The following LUZP2 variants were observed in gnomAD, a reference collection of about 807,000 sequenced individuals.
The protein encoded by LUZP2 is leucine zipper protein 2.
LUZP2 carries 52 observed loss-of-function variants against 51.6 expected under a neutral mutation model. The observed-to-expected ratio is 1.01, with a 90% confidence interval of 0.81 to 1.27. The LOEUF (loss-of-function observed/expected upper bound fraction) is 1.27, where lower values mean the gene tolerates loss of function less well. Ranked by LOEUF, LUZP2 falls within the 50% of genes most tolerant of loss-of-function variation. The probability of loss-of-function intolerance (pLI) is 0.00; values close to 1 mark genes in which losing one functional copy is unlikely to be tolerated. For synonymous variants in LUZP2, 154 were observed against 137.3 expected (o/e 1.12, Z -0.85); for missense variants, 436 against 395.4 (o/e 1.10, Z -0.87).
At chr11:24,969,303 C>T in intron 7 of LUZP2, among the ~76,000 whole-genome samples, 1 of 151,984 alleles carries the variant, frequency 6.6e-6, no homozygotes, top group East Asian at 1.9e-4. Flanking sequence ...AGGATAATAG[C>T]CTAATCCTTC....
At chr11:25,034,791 T>A (rs1014500670) in intron 9 of LUZP2, among the ~76,000 whole-genome samples, 1 of 152,106 alleles carries the variant, frequency 6.6e-6, no homozygotes, top group Non-Finnish European at 1.5e-5. Context: ...TGTCTGTTTT[T>A]GTGCTAGTAC....
intron 1 of LUZP2, among the ~76,000 whole-genome samples, chr11:24,620,282 A>T (rs1854449687): frequency 6.6e-6 from 1 of 152,210 alleles, no homozygotes; most frequent in African/African-American, 2.4e-5. Context: ...AAGAATTTTT[A>T]ACTCAACAAA....
At chr11:24,615,586 A>G (rs1019600051) in intron 1 of LUZP2, among the ~76,000 whole-genome samples, 5 of 151,988 alleles carry the variant, frequency 3.3e-5, no homozygotes, top group African/African-American at 7.2e-5. Flanking sequence ...TGGAGTTATT[A>G]CCAATACAAA....
intron 9 of LUZP2, among the ~76,000 whole-genome samples, chr11:25,024,728 A>G (rs1857434107): frequency 6.6e-6 from 1 of 151,702 alleles, no homozygotes; most frequent in Non-Finnish European, 1.5e-5. Flanking sequence ...GCCCAAGGTA[A>G]TTTATAGATT....
At chr11:24,614,314 C>A (rs184331015) in intron 1 of LUZP2, among the ~76,000 whole-genome samples, 1 of 152,048 alleles carries the variant, frequency 6.6e-6, no homozygotes, top group Admixed American at 6.5e-5. Flanking sequence ...GCTCTCTCTC[C>A]TACTATGATT....
rs1490479327 is a variant in LUZP2 at position 25,017,729 on chromosome 11, A to T, written c.766-32309A>T. ...GCTTATTGTTGTTGTTGTTGTTGTT[A>T]TGTGTTTTGCTTAGTATTGCTTTGG... On this transcript the variant is annotated intron_variant, in intron 9 of 11. Coordinates refer to ENST00000336930, the MANE Select transcript of LUZP2 (RefSeq NM_001009909.4). Among the ~76,000 whole-genome samples, 3 of 151,636 alleles carry T rather than the reference A, an allele frequency of 2.0e-5. No homozygotes were observed. In the East Asian group the frequency reaches 5.8e-4, roughly 29 times the overall value.
At chr11:24,889,075 T>A (rs1048305449) in intron 5 of LUZP2, among the ~76,000 whole-genome samples, 34 of 152,274 alleles carry the variant, frequency 2.2e-4, no homozygotes, top group African/African-American at 8.2e-4. Flanking sequence ...ATTCCCTAAA[T>A]AGGTGGTATG....
intron 1 of LUZP2, among the ~76,000 whole-genome samples, chr11:24,599,824 A>G (rs938775994): frequency 2.0e-5 from 3 of 152,142 alleles, no homozygotes; most frequent in African/African-American, 7.2e-5. Flanking sequence ...TACGTAAAAA[A>G]AACAAGATTT....
intron 4 of LUZP2, among the ~76,000 whole-genome samples, chr11:24,743,147 C>T (rs1448506996): frequency 2.6e-5 from 4 of 152,060 alleles, no homozygotes; most frequent in African/African-American, 2.4e-5. Flanking sequence ...GTTCTTTTTG[C>T]TCAGTCTTGC....
chr11:25,009,958 A>G (rs924656396), intron 9 of LUZP2, among the ~76,000 whole-genome samples: 3 of 152,150 alleles, frequency 2.0e-5, no homozygotes, highest in African/African-American at 7.2e-5. Context: ...TGGCTTAAAA[A>G]TATTTTTTAA....
At chr11:25,066,927 A>G (rs963315744) in intron 10 of LUZP2, among the ~76,000 whole-genome samples, 2 of 152,026 alleles carry the variant, frequency 1.3e-5, no homozygotes, top group African/African-American at 2.4e-5. Context: ...CTGACATAGC[A>G]TAATCCTCAA....
intron 1 of LUZP2, among the ~76,000 whole-genome samples, chr11:24,723,868 A>C (rs1013433816): frequency 2.6e-5 from 4 of 152,174 alleles, no homozygotes; most frequent in Admixed American, 6.5e-5. Context: ...GTAATAAATA[A>C]AAATTAAACT....
chr11:24,530,762 CTT>C (rs367857815), intron 1 of LUZP2, among the ~76,000 whole-genome samples: 103 of 75,390 alleles, frequency 1.4e-3, no homozygotes, highest in African/African-American at 3.2e-3. Flanking sequence ...CTTCTTCTTA[CTT>C]TTTTTTTTTT....
intron 1 of LUZP2, among the ~76,000 whole-genome samples, chr11:24,513,164 T>C (rs1850365212): frequency 6.6e-6 from 1 of 152,196 alleles, no homozygotes; most frequent in South Asian, 2.1e-4. Flanking sequence ...ATGTTTTCTT[T>C]CAAAACATGG....
intron 7 of LUZP2, among the ~76,000 whole-genome samples, chr11:24,925,597 A>C (rs1854202127): frequency 6.6e-6 from 1 of 152,118 alleles, no homozygotes; most frequent in African/African-American, 2.4e-5. Flanking sequence ...AGGTTTTAAA[A>C]GTTCACACAT....
chr11:24,963,436 C>T (rs1438601183), intron 7 of LUZP2, among the ~76,000 whole-genome samples: 1 of 152,226 alleles, frequency 6.6e-6, no homozygotes, highest in Admixed American at 6.5e-5. Context: ...AGCTTCCCGG[C>T]TGCTTTGTTT....
In LUZP2 at chr11:24,738,223, A is replaced by G. The variant is rs1372438727; in HGVS notation, c.254A>G (p.Glu85Gly). 1 of 1,599,522 alleles carries G rather than the reference A, an allele frequency of 6.3e-7. No individual in the cohort carries two copies. The highest frequency in any genetic ancestry group is 1.7e-5 in the Admixed American group (1 of 59,018). ...KLLELGQKQREEMKSLQEALQ... is the reference protein window; with the variant it reads ...KLLELGQKQRGEMKSLQEALQ... ...TGCTCTGTTTTCTACTAAAATAGAG[A>G]AGAAATGAAGTCTCTTCAGGAGGCC... is the stretch of plus-strand genomic sequence containing the variant. The change falls in exon 4 of 12, where the codon GAA becomes GGA. Residue 85 changes from glutamate to glycine, a missense_variant and splice_region_variant. By Grantham distance (98) the Glu-to-Gly change is moderately conservative (BLOSUM62 -2). Coordinates refer to ENST00000336930, the MANE Select transcript of LUZP2 (RefSeq NM_001009909.4).
In LUZP2 at chr11:24,739,123, G is replaced by A. The variant is rs150787809; in HGVS notation, c.333+821G>A. ...GCTGCACACCACAGAGGGGCCACAC[G>A]GGGAGGCACCCAGGCTGTTCATGAG... is the stretch of plus-strand genomic sequence containing the variant. On this transcript the variant is annotated intron_variant, in intron 4 of 11. Transcript: ENST00000336930. Among the ~76,000 whole-genome samples, 282 of 152,166 alleles carry A rather than the reference G, an allele frequency of 1.9e-3. 1 individual carries two copies. Among genetic ancestry groups the A allele is most frequent in the African/African-American group, 6.6e-3 (274 of 41,544 alleles).
chr11:24,659,389 G>A (rs2133979170), intron 1 of LUZP2, among the ~76,000 whole-genome samples: 1 of 152,182 alleles, frequency 6.6e-6, no homozygotes, highest in Admixed American at 6.5e-5. Context: ...CATGGACACA[G>A]AAAGGGAACA....
Sources: gnomAD v4.1 joint callset for allele counts (sites outside exome capture counted in the v4.1 genomes callset) on GRCh38, gnomAD v4.1.1 for gene constraint, MANE v1.5 for transcripts, NCBI Gene and HGNC (gene_info 2026-07-23, HGNC 2026-07-21) for gene names.